The following PRDM2 variants were observed in gnomAD, a reference collection of about 807,000 sequenced individuals.
The protein encoded by PRDM2 is PR domain zinc finger protein 2.
PRDM2 carries 30 observed loss-of-function variants against 130.0 expected under a neutral mutation model. The ratio of observed to expected loss-of-function variants is 0.23; its 90% CI spans 0.17 to 0.31. PRDM2 has a LOEUF of 0.31. Among genes scored for constraint, PRDM2 ranks in the 10% least tolerant of loss-of-function variants. The probability of loss-of-function intolerance (pLI) is 1.00; values close to 1 mark genes in which losing one functional copy is unlikely to be tolerated. For synonymous variants in PRDM2, 871 were observed against 782.4 expected (o/e 1.11, Z -1.89); for missense variants, 2,011 against 2,108.4 (o/e 0.95, Z 0.90).
At chr1:13,756,274 A>AC (rs1643950628) in intron 6 of PRDM2, among the ~76,000 whole-genome samples, 2 of 151,956 alleles carry the variant, frequency 1.3e-5, no homozygotes, top group African/African-American at 2.4e-5. Flanking sequence ...AAAAAAAAAA[A>AC]AAAAAGAATT....
chr1:13,720,656 A>G (rs181933004), intron 2 of PRDM2, among the ~76,000 whole-genome samples: 3 of 152,362 alleles, frequency 2.0e-5, no homozygotes, highest in Non-Finnish European at 2.9e-5. Flanking sequence ...CGTGTTTCAT[A>G]TATGTCAGGC....
chr1:13,710,743 C>A (rs1032599487), intron 1 of PRDM2, among the ~76,000 whole-genome samples: 10 of 152,162 alleles, frequency 6.6e-5, no homozygotes, highest in African/African-American at 2.4e-4. Flanking sequence ...TAAAGATTTT[C>A]AGTATCTGCT....
At position 13,778,456 on chromosome 1, in the gene PRDM2, C is replaced by T. The variant is rs747736231; in HGVS notation, c.661C>T (p.Leu221Phe). The change falls in exon 8 of 10, where the codon CTT becomes TTT. Residue 221 changes from leucine to phenylalanine, a missense_variant. Transcript: ENST00000311066. ...EDEEKPSASALEQPATLQEVA... is the reference protein window; with the variant it reads ...EDEEKPSASAFEQPATLQEVA... ...CGAAGAGAAGCCTTCAGCCTCAGCA[C>T]TTGAGCAGCCGGCCACCCTCCAGGA... The T allele has an allele frequency of 6.2e-7, 1 of 1,613,684 alleles. No individual in the cohort carries two copies. Among genetic ancestry groups the T allele is most frequent in the East Asian group, 2.2e-5 (1 of 44,884 alleles).
Position 13,817,538 on chromosome 1 carries a change from C to A in PRDM2, c.*23+968C>A, listed in dbSNP as rs148880003. 7.7e-4 allele frequency among the ~76,000 whole-genome samples: 116 copies of A among 151,440 alleles called. 2 individuals are homozygous for A. In the East Asian group the frequency reaches 0.021, roughly 27 times the overall value. On this transcript the variant is annotated intron_variant, in intron 9 of 9. Transcript: ENST00000311066. ...ACCACACAACTGCATTCATTGTGTC[C>A]CCAAGGCCAGCATCTCAAAGTGATC...
intron 8 of PRDM2, among the ~76,000 whole-genome samples, chr1:13,811,653 G>A (rs775026842): frequency 5.9e-5 from 9 of 152,200 alleles, no homozygotes; most frequent in Non-Finnish European, 1.0e-4. Flanking sequence ...CTCAGTCCCT[G>A]CCCTCAAAGA....
intron 2 of PRDM2, among the ~76,000 whole-genome samples, chr1:13,724,942 C>T (rs939388655): frequency 1.3e-5 from 2 of 152,104 alleles, no homozygotes; most frequent in East Asian, 3.9e-4. Flanking sequence ...AAGGGGAGAA[C>T]GTAGGACATG....
intron 8 of PRDM2, among the ~76,000 whole-genome samples, chr1:13,815,283 T>C (rs1645239404): frequency 6.9e-6 from 1 of 144,614 alleles, no homozygotes; most frequent in African/African-American, 2.6e-5. Context: ...ATTTTTTTTT[T>C]GTATTTTTAG....
At chr1:13,709,195 T>C (rs770750289) in intron 1 of PRDM2, among the ~76,000 whole-genome samples, 16 of 151,962 alleles carry the variant, frequency 1.1e-4, no homozygotes, top group Non-Finnish European at 1.9e-4. Context: ...ATATTAGCAG[T>C]GGGTTTTTTG....
chr1:13,809,874 G>A lies in PRDM2; in HGVS notation c.5037-6553G>A, dbSNP rs555649169. Among the ~76,000 whole-genome samples, 5 of 152,282 alleles carry A rather than the reference G, an allele frequency of 3.3e-5. No homozygotes were observed. The South Asian group carries it at 8.3e-4, about 25-fold the overall frequency. On this transcript the variant is annotated intron_variant, in intron 8 of 9. Transcript: ENST00000311066. ...CAGAAATTTTTTTTTCACAGTTCTGGAGACTGGAAGTTCAAGATTAGGGTA... is the reference window on the plus strand; with the variant it reads ...CAGAAATTTTTTTTTCACAGTTCTGAAGACTGGAAGTTCAAGATTAGGGTA...
At chr1:13,786,980 C>T (rs1341913876) in intron 8 of PRDM2, 1 of 987,408 alleles carries the variant, frequency 1.0e-6, no homozygotes, top group Non-Finnish European at 1.2e-6. Flanking sequence ...CATATCAGCT[C>T]TTGATGCCTT....
rs541384500 is a variant in PRDM2 at position 13,808,266 on chromosome 1, C to T, written c.5037-8161C>T. Among the ~76,000 whole-genome samples the T allele has an allele frequency of 1.1e-4, 17 of 152,100 alleles. No individual in the cohort carries two copies. The South Asian group carries it at 2.9e-3, about 26-fold the overall frequency. On this transcript the variant is annotated intron_variant, in intron 8 of 9. Transcript: ENST00000311066. ...CCACACTTTGGGAGGCCGAGGCGGG[C>T]GGATCACGAGGTCAGGAGATCGAGA...
intron 6 of PRDM2, among the ~76,000 whole-genome samples, chr1:13,764,243 G>A (rs1460901594): frequency 6.6e-6 from 1 of 152,064 alleles, no homozygotes; most frequent in East Asian, 1.9e-4. Flanking sequence ...CAGCCACGGG[G>A]GGCTGAGTCC....
intron 8 of PRDM2, among the ~76,000 whole-genome samples, chr1:13,788,632 C>A (rs1433796021): frequency 6.6e-6 from 1 of 152,296 alleles, no homozygotes; most frequent in East Asian, 1.9e-4. Flanking sequence ...ATACGATATT[C>A]CTCCCTTAGA....
At chr1:13,791,659 G>A (rs1644841668) in intron 8 of PRDM2, among the ~76,000 whole-genome samples, 1 of 152,096 alleles carries the variant, frequency 6.6e-6, no homozygotes, top group African/African-American at 2.4e-5. Flanking sequence ...ACCTGGAGGG[G>A]GTGTGTAGGT....
At chr1:13,700,660 C>T (rs1642045568) in intron 1 of PRDM2, among the ~76,000 whole-genome samples, 1 of 151,634 alleles carries the variant, frequency 6.6e-6, no homozygotes, top group Non-Finnish European at 1.5e-5. Flanking sequence ...GGTGGGGCCA[C>T]CTGGGGCCCC....
At chr1:13,788,120 TA>T (rs1644778195) in intron 8 of PRDM2, 2 of 950,420 alleles carry the variant, frequency 2.1e-6, no homozygotes, top group Non-Finnish European at 2.5e-6. Context: ...TGGGAGCAGT[TA>T]GGGGGTAAAA....
At chr1:13,745,284 A>C (rs1294305064) in intron 5 of PRDM2, among the ~76,000 whole-genome samples, 1 of 152,180 alleles carries the variant, frequency 6.6e-6, no homozygotes, top group African/African-American at 2.4e-5. Context: ...CCAGTGAGTC[A>C]GGGAAGGCCT....
At chr1:13,820,972 G>A (rs934962710) in intron 9 of PRDM2, among the ~76,000 whole-genome samples, 1 of 152,012 alleles carries the variant, frequency 6.6e-6, no homozygotes, top group Non-Finnish European at 1.5e-5. Context: ...ATAAGCAGGC[G>A]TCCTCTGGGA....
chr1:13,816,582 G>A lies in PRDM2; in HGVS notation c.*23+12G>A. 7 of 1,613,240 alleles carry A rather than the reference G, an allele frequency of 4.3e-6. No homozygotes were observed. Among genetic ancestry groups the A allele is most frequent in the Non-Finnish European group, 5.1e-6 (6 of 1,179,508 alleles). ...CTGCTCCCTGACAGGTACGAGGCAG[G>A]ATGGAACAGCTTCTGGCACTGTTTG... On this transcript the variant is annotated intron_variant, in intron 9 of 9. Transcript: ENST00000311066.
Sources: gnomAD v4.1 joint callset for allele counts (sites outside exome capture counted in the v4.1 genomes callset) on GRCh38, gnomAD v4.1.1 for gene constraint, MANE v1.5 for transcripts, NCBI Gene and HGNC (gene_info 2026-07-23, HGNC 2026-07-21) for gene names.